The following PCSK6 variants were observed in gnomAD, a reference collection of about 807,000 sequenced individuals.
The protein encoded by PCSK6 is proprotein convertase subtilisin/kexin type 6, also known as paired basic amino acid cleaving enzyme 4.
Under a neutral mutation model 123.3 loss-of-function variants are expected in PCSK6, and 85 were observed. The observed-to-expected ratio is 0.69, with a 90% CI of 0.58 to 0.83. The LOEUF is 0.83. Ranked by LOEUF, PCSK6 falls within the 40% of genes least tolerant of loss-of-function variation. The pLI is 0.00. For missense variants in PCSK6, 1,191 were observed against 1,282.3 expected (o/e 0.93, Z 1.09); for synonymous variants, 508 against 516.0 (o/e 0.98, Z 0.21).
chr15:101,455,002 G>A (rs943199171), intron 1 of PCSK6, among the ~76,000 whole-genome samples: 6 of 147,622 alleles, frequency 4.1e-5, no homozygotes, highest in African/African-American at 1.1e-4. Context: ...AAATAAAAGG[G>A]TACAGAGTTT....
intron 13 of PCSK6, among the ~76,000 whole-genome samples, chr15:101,355,783 C>T (rs1161933188): frequency 4.6e-5 from 7 of 152,316 alleles, no homozygotes; most frequent in African/African-American, 1.2e-4. Context: ...CTGAGGGTGC[C>T]GAGCGGGATG....
intron 1 of PCSK6, among the ~76,000 whole-genome samples, chr15:101,457,955 G>A (rs905591242): frequency 1.3e-5 from 2 of 152,100 alleles, no homozygotes; most frequent in Non-Finnish European, 2.9e-5. Flanking sequence ...TCCATCTGAT[G>A]TTTGCTTACC....
chr15:101,366,188 C>A lies in PCSK6; in HGVS notation c.1858+8G>T. On this transcript the variant is annotated splice_region_variant and intron_variant, in intron 13 of 21. Coordinates refer to ENST00000611716, the MANE Select transcript of PCSK6 (RefSeq NM_002570.5). ...AAAGCTGTCATGAGATTCCCAAGAG[C>A]CACTGACCTTGCTTCTCCGGGTTGC... 6.2e-7 allele frequency: 1 copy of A among 1,609,410 alleles called. No homozygotes were observed. Among genetic ancestry groups the A allele is most frequent in the Non-Finnish European group, 8.5e-7 (1 of 1,177,526 alleles).
intron 2 of PCSK6, among the ~76,000 whole-genome samples, chr15:101,435,660 G>A (rs746370831): frequency 3.3e-5 from 5 of 152,184 alleles, no homozygotes; most frequent in East Asian, 3.8e-4. Flanking sequence ...AGGCTTCATC[G>A]TCTTCTCAAG....
At chr15:101,372,956 T>G (rs1359559633) in intron 11 of PCSK6, among the ~76,000 whole-genome samples, 1 of 151,936 alleles carries the variant, frequency 6.6e-6, no homozygotes, top group African/African-American at 2.4e-5. Context: ...TGAAGAAGCT[T>G]TAATCCCATT....
At position 101,338,369 on chromosome 15, in the gene PCSK6, C is replaced by T. The variant is rs546966881; in HGVS notation, c.1859-6338G>A. Among the ~76,000 whole-genome samples, 8 of 152,246 alleles carry T rather than the reference C, an allele frequency of 5.3e-5. No individual in the cohort carries two copies. The South Asian group carries it at 1.2e-3, about 24-fold the overall frequency. On this transcript the variant is annotated intron_variant, in intron 13 of 21. Transcript: ENST00000611716. ...CATTGCGTCCACAGTGTCGGCCCCC[C>T]ACAGCAGCAGCACTTGTGCCAGGAC... is the stretch of plus-strand genomic sequence containing the variant.
chr15:101,437,393 C>T (rs952975948), intron 2 of PCSK6, among the ~76,000 whole-genome samples: 2 of 152,188 alleles, frequency 1.3e-5, no homozygotes, highest in African/African-American at 4.8e-5. Flanking sequence ...CAGCGGGAAC[C>T]CAGTGAGTAA....
rs1442619938 is a variant in PCSK6, at chr15:101,398,626, A to G, written c.824-50T>C. 1.9e-6 allele frequency: 3 copies of G among 1,574,260 alleles called. No homozygotes were observed. The highest frequency in any genetic ancestry group is 2.3e-5 in the South Asian group (2 of 88,580). ...GTCGGCGCCCAGGCTCCGGGCACAC[A>G]GCGACGGGAACCCGGGCCCAGGAGG... On this transcript the variant is annotated intron_variant, in intron 6 of 21. Transcript: ENST00000611716. The surrounding 1 kb of genome is among the most constrained non-coding windows in gnomAD (Gnocchi z 4.6).
Position 101,356,727 on chromosome 15 carries a change from T to C in PCSK6, c.1858+9469A>G, listed in dbSNP as rs550406237. 4.4e-4 allele frequency among the ~76,000 whole-genome samples: 66 copies of C among 150,400 alleles called. 1 individual carries two copies. The highest frequency in any genetic ancestry group is 1.3e-3 in the Admixed American group (19 of 15,076). The stretch of plus-strand genomic sequence containing the variant: ...TAAATAAATAAATAAATAAATAATA[T>C]AGGTGTGCAGGAATAAATGAAGAGC... On this transcript the variant is annotated intron_variant, in intron 13 of 21. Transcript: ENST00000611716.
intron 1 of PCSK6, among the ~76,000 whole-genome samples, chr15:101,470,185 A>G (rs2057571432): frequency 2.0e-5 from 3 of 152,168 alleles, no homozygotes; most frequent in African/African-American, 7.2e-5. Context: ...CTGTTCACAT[A>G]TTTTACCATA....
intron 5 of PCSK6, among the ~76,000 whole-genome samples, chr15:101,428,441 G>A (rs2056334765): frequency 1.3e-5 from 2 of 152,076 alleles, no homozygotes. Context: ...GATGTCACCT[G>A]CCTCATCCCC....
chr15:101,450,134 G>A (rs962684577), intron 1 of PCSK6, among the ~76,000 whole-genome samples: 4 of 151,918 alleles, frequency 2.6e-5, no homozygotes, highest in Non-Finnish European at 5.9e-5. Context: ...TCCCAAACCC[G>A]CTCCCCTCAT....
At chr15:101,354,753 C>T (rs193228198) in intron 13 of PCSK6, among the ~76,000 whole-genome samples, 2 of 152,358 alleles carry the variant, frequency 1.3e-5, no homozygotes, top group African/African-American at 2.4e-5. Context: ...GAATCCCCAA[C>T]CTTTTCTCAA....
In PCSK6 at chr15:101,489,682, G is replaced by C; in HGVS notation, c.-12C>G. 1.1e-5 allele frequency: 11 copies of C among 971,896 alleles called. No individual in the cohort carries two copies. Among genetic ancestry groups the C allele is most frequent in the Non-Finnish European group, 1.3e-5 (11 of 820,810 alleles). The allele number at this position is 971,896 out of a possible 1,614,324, so 60.2% of individuals were successfully genotyped here. A position where few individuals can be genotyped will look rare whatever the true frequency, so the allele number is the denominator to read the frequency against. ...GCGCGCGGAGGCATAGCGGCGACAGGCTCGCGCGGCGCCCGAGCTGCGAGT... is the reference window on the plus strand; with the variant it reads ...GCGCGCGGAGGCATAGCGGCGACAGCCTCGCGCGGCGCCCGAGCTGCGAGT... On this transcript the variant is annotated 5_prime_UTR_variant, in exon 1 of 22. Transcript: ENST00000611716.
chr15:101,394,757 G>C (rs559762381), intron 7 of PCSK6, among the ~76,000 whole-genome samples: 3 of 152,166 alleles, frequency 2.0e-5, no homozygotes, highest in Non-Finnish European at 4.4e-5. Flanking sequence ...TGCTCTGTAC[G>C]CTCACACCAC....
chr15:101,361,643 C>G (rs753548376), intron 13 of PCSK6, among the ~76,000 whole-genome samples: 5 of 152,116 alleles, frequency 3.3e-5, no homozygotes, highest in Non-Finnish European at 7.4e-5. Context: ...GAGGTGCTAG[C>G]AGGATGTGCA....
intron 13 of PCSK6, among the ~76,000 whole-genome samples, chr15:101,338,092 C>T (rs1440233966): frequency 1.3e-5 from 2 of 152,158 alleles, no homozygotes; most frequent in Non-Finnish European, 2.9e-5. Flanking sequence ...CATGATCCCG[C>T]CACAGTGTTT....
At position 101,478,848 on chromosome 15, in the gene PCSK6, A is replaced by C. The variant is rs571575400; in HGVS notation, c.297+10526T>G. Reference sequence around the variant, plus strand: ...CGATATTTGACTATACAGAAACATCACAAATATTTGCTGCTCACAAACCTG... The same window carrying C: ...CGATATTTGACTATACAGAAACATCCCAAATATTTGCTGCTCACAAACCTG... On this transcript the variant is annotated intron_variant, in intron 1 of 21. Coordinates refer to ENST00000611716, the MANE Select transcript of PCSK6 (RefSeq NM_002570.5). Among the ~76,000 whole-genome samples, 11 of 152,350 alleles carry C rather than the reference A, an allele frequency of 7.2e-5. No individual in the cohort carries two copies. In the East Asian group the frequency reaches 1.9e-3, roughly 27 times the overall value.
At chr15:101,391,708 G>T (rs2042239089) in intron 8 of PCSK6, among the ~76,000 whole-genome samples, 1 of 152,186 alleles carries the variant, frequency 6.6e-6, no homozygotes, top group Non-Finnish European at 1.5e-5. Context: ...CTGGGACTGT[G>T]ATATGTCGAC....
Sources: gnomAD v4.1 joint callset for allele counts (sites outside exome capture counted in the v4.1 genomes callset) on GRCh38, gnomAD v4.1.1 for gene constraint, Gnocchi (gnomAD v3.1) non-coding constraint, MANE v1.5 for transcripts, NCBI Gene and HGNC (gene_info 2026-07-23, HGNC 2026-07-21) for gene names.